The following TEAD2 variants were observed in gnomAD, a reference collection of about 807,000 sequenced individuals.
TEAD2 encodes the protein transcriptional enhancer factor TEF-4.
A neutral mutation model predicts 61.4 loss-of-function variants in TEAD2; 51 were observed. That is an observed-to-expected ratio of 0.83 (90% confidence interval 0.66 to 1.05). The LOEUF (loss-of-function observed/expected upper bound fraction) is 1.05, where lower values mean the gene tolerates loss of function less well. TEAD2 is among the 50% of genes least tolerant of loss of function. The probability of loss-of-function intolerance (pLI) is 0.00; values close to 1 mark genes in which losing one functional copy is unlikely to be tolerated. For missense variants in TEAD2, 509 were observed against 600.0 expected, an observed-to-expected ratio of 0.85 and a Z score of 1.58; for synonymous variants, 244 against 243.2, an observed-to-expected ratio of 1.00 and a Z score of -0.03.
At chr19:49,356,159 C>T (rs1972380122) in intron 4 of TEAD2, 189 bp from the exon 5 acceptor site, 1 of 407,176 alleles carries the variant, frequency 2.5e-6, no homozygotes, top group Non-Finnish European at 4.2e-6. Context: ...AAAGGGGCTC[C>T]CTGCCCAGAA....
intron 7 of TEAD2, among the ~76,000 whole-genome samples, chr19:49,352,441 G>A (rs1972084277): frequency 6.6e-6 from 1 of 152,186 alleles, no homozygotes; most frequent in Non-Finnish European, 1.5e-5. Context: ...AGGCGCAGTC[G>A]CTCACGCCTG....
At chr19:49,349,058 T>G (rs1971835657) in intron 8 of TEAD2, 2 of 486,776 alleles carry the variant, frequency 4.1e-6, no homozygotes, top group Non-Finnish European at 6.7e-6. Context: ...AGGAGTTTCT[T>G]CCTGAATGAA....
At chr19:49,347,598 C>T (rs1971736982) in intron 9 of TEAD2, among the ~76,000 whole-genome samples, 1 of 152,106 alleles carries the variant, frequency 6.6e-6, no homozygotes, top group African/African-American at 2.4e-5. Flanking sequence ...TCCCCCAACT[C>T]CATCCTCACT....
At chr19:49,362,216 GT>G (rs1199981963) in intron 1 of TEAD2, 116 bp downstream of exon 1, 2 of 152,572 alleles carry the variant, frequency 1.3e-5, no homozygotes, top group African/African-American at 4.8e-5. Flanking sequence ...CTGAGGCTCG[GT>G]CACGGGAGCA....
chr19:49,348,958 T>C, intron 8 of TEAD2, 113 bp from the exon 9 acceptor site: 1 of 1,360,572 alleles, frequency 7.3e-7, no homozygotes, highest in Non-Finnish European at 9.6e-7. Context: ...AATACTCACT[T>C]TCCCAGCCTC....
chr19:49,356,637 T>C (rs1972418461), intron 4 of TEAD2, among the ~76,000 whole-genome samples: 1 of 151,782 alleles, frequency 6.6e-6, no homozygotes, highest in South Asian at 2.1e-4. Flanking sequence ...GAGGAGGCCT[T>C]CACAGCACAA....
At chr19:49,357,693 G>A (rs926585797) in intron 3 of TEAD2, 6 of 295,488 alleles carry the variant, frequency 2.0e-5, no homozygotes, top group African/African-American at 1.3e-4. Context: ...CATCTCCAGT[G>A]TTGGAGGTGA....
At chr19:49,351,512 A>G in intron 7 of TEAD2, 147 bp from the exon 8 acceptor site, 1 of 712,650 alleles carries the variant, frequency 1.4e-6, no homozygotes, top group East Asian at 2.9e-5. Flanking sequence ...GGTAGGTAGA[A>G]TGACTGCTCT....
At chr19:49,357,410 GA>G in intron 3 of TEAD2, 96 bp from the exon 4 acceptor site, 1 of 1,272,062 alleles carries the variant, frequency 7.9e-7, no homozygotes, top group East Asian at 2.4e-5. Flanking sequence ...TGAGCTGCTG[GA>G]CCATGAAAGG....
At position 49,347,334 on chromosome 19, in the gene TEAD2, G is replaced by A. The variant is rs143147152; in HGVS notation, c.777C>T (p.Ser259=). 247 of 1,611,812 alleles carry A rather than the reference G, an allele frequency of 1.5e-4. No individual in the cohort carries two copies. Among genetic ancestry groups the A allele is most frequent in the Non-Finnish European group, 2.0e-4 (237 of 1,180,004 alleles). The change falls in exon 10 of 13, where the codon AGC becomes AGT. Residue 259 remains serine (S), a synonymous_variant. Coordinates refer to ENST00000593945, the MANE Select transcript of TEAD2 (RefSeq NM_001256660.2). ...GCGCTCCGGGGCTGGGGCAGTGCTG[G>A]CTGATGTGCACGAACAGGTGCCTCT... The part of the protein sequence containing the change: ...SYQRHLFVHI[S]QHCPSPGAPP...
At chr19:49,343,192 C>T in intron 11 of TEAD2, 39 bp downstream of exon 11, 1 of 1,579,002 alleles carries the variant, frequency 6.3e-7, no homozygotes, top group Non-Finnish European at 8.6e-7. Flanking sequence ...ATTCTGCACC[C>T]CCAAGTGCTG....
Position 49,340,652 on chromosome 19 carries a change from G to A in TEAD2, c.*672C>T. 2.0e-6 allele frequency: 1 copy of A among 494,300 alleles called. No homozygotes were observed. The highest frequency in any genetic ancestry group is 2.1e-5 in the South Asian group (1 of 47,922). The allele number at this position is 494,300 out of a possible 1,614,324, so 30.6% of individuals were successfully genotyped here. On this transcript the variant is annotated 3_prime_UTR_variant, in exon 13 of 13. Transcript: ENST00000593945. ...ACACAAACAAACAAACTTTGAGAGG[G>A]GAGGAAGGAAACCGTCTAGCTCAGG...
chr19:49,347,439 T>C, intron 9 of TEAD2, 76 bp from the exon 10 acceptor site: 1 of 1,525,340 alleles, frequency 6.6e-7, no homozygotes, highest in Non-Finnish European at 8.9e-7. Flanking sequence ...GCCCACCAAA[T>C]GCCGTCACCA....
chr19:49,360,109 TC>T (rs1568583593), intron 1 of TEAD2, 28 bp from the exon 2 acceptor site: 1 of 1,567,424 alleles, frequency 6.4e-7, no homozygotes, highest in Non-Finnish European at 8.7e-7. Flanking sequence ...TCAGCAAGCT[TC>T]CCCCAAACCC....
At position 49,343,377 on chromosome 19, in the gene TEAD2, T is replaced by C. The variant is rs1261991271; in HGVS notation, c.943A>G (p.Ser315Gly). Residue 315 changes from serine to glycine, a missense_variant, in exon 11 of 13, where the codon AGT becomes GGT. Ser to Gly is a moderately conservative substitution (Grantham distance 56, BLOSUM62 0). Coordinates refer to ENST00000593945, the MANE Select transcript of TEAD2 (RefSeq NM_001256660.2). The part of the protein sequence containing the change: ...KFWADLNWGP[S>G]GEEAGAGGSI... Reference sequence around the variant, plus strand: ...CCACCGGCCCCTGCCTCCTCACCACTTGGGCCCCAGTTCAGGTCCGCCTGG... The same window carrying C: ...CCACCGGCCCCTGCCTCCTCACCACCTGGGCCCCAGTTCAGGTCCGCCTGG... The C allele has an allele frequency of 1.2e-6, 2 of 1,610,770 alleles. No homozygotes were observed. The highest frequency in any genetic ancestry group is 1.1e-5 in the South Asian group (1 of 90,734).
At chr19:49,354,684 G>T (rs1397939426) in intron 7 of TEAD2, among the ~76,000 whole-genome samples, 1 of 151,514 alleles carries the variant, frequency 6.6e-6, no homozygotes, top group African/African-American at 2.4e-5. Flanking sequence ...TATAACCTCT[G>T]TTCTACCCTC....
intron 4 of TEAD2, 53 bp downstream of exon 4, chr19:49,357,199 T>G: frequency 1.3e-6 from 2 of 1,538,938 alleles, no homozygotes; most frequent in East Asian, 2.3e-5. Flanking sequence ...TGGGTCTCGG[T>G]CCCCCACCCC....
At position 49,359,482 on chromosome 19, in the gene TEAD2, C is replaced by G. The variant is rs200637426; in HGVS notation, c.250G>C (p.Ala84Pro). 1.9e-6 allele frequency: 3 copies of G among 1,613,972 alleles called. No homozygotes were observed. The highest frequency in any genetic ancestry group is 2.5e-6 in the Non-Finnish European group (3 of 1,179,994). ...GKMYGRNELI[A>P]RYIKLRTGKT... The stretch of plus-strand genomic sequence containing the variant: ...CCCGTTCTCAGCTTGATGTAGCGGG[C>G]GATCAGTTCATTCCGACCTGAAGAT... Residue 84 changes from alanine to proline, a missense_variant, in exon 3 of 13, where the codon GCC becomes CCC. Coordinates refer to ENST00000593945, the MANE Select transcript of TEAD2 (RefSeq NM_001256660.2). The surrounding 1 kb of genome is among the most constrained non-coding windows in gnomAD (Gnocchi z 4.1).
chr19:49,348,742 C>G lies in TEAD2; in HGVS notation c.708G>C (p.Glu236Asp). The change falls in exon 9 of 13, where the codon GAG becomes GAC. Residue 236 changes from glutamate (E) to aspartate (D), a missense_variant. Physicochemically the swap from Glu to Asp is conservative, Grantham distance 45 (BLOSUM62 2). Transcript: ENST00000593945. Reference protein sequence around the residue: ...GLGTARLQLVEFSAFVEPPDA... With the variant: ...GLGTARLQLVDFSAFVEPPDA... ...CTGGCGGTTCCACGAAGGCTGAGAACTCTACCAGCTGCAACCGGGCGGTGC... is the reference window on the plus strand; with the variant it reads ...CTGGCGGTTCCACGAAGGCTGAGAAGTCTACCAGCTGCAACCGGGCGGTGC... 1 of 1,614,156 alleles carries G rather than the reference C, an allele frequency of 6.2e-7. No homozygotes were observed. The highest frequency in any genetic ancestry group is 8.5e-7 in the Non-Finnish European group (1 of 1,180,024).
Sources: gnomAD v4.1 joint callset for allele counts (sites outside exome capture counted in the v4.1 genomes callset) on GRCh38, gnomAD v4.1.1 for gene constraint, Gnocchi (gnomAD v3.1) non-coding constraint, MANE v1.5 for transcripts, NCBI Gene and HGNC (gene_info 2026-07-23, HGNC 2026-07-21) for gene names.